CDYL: variants seen among roughly 807,000 people sequenced by gnomAD.
CDYL encodes the protein chromodomain Y-like protein.
A neutral mutation model predicts 47.3 loss-of-function variants in CDYL; 8 were observed. The observed-to-expected ratio is 0.17, with a 90% CI of 0.10 to 0.31. CDYL has a LOEUF of 0.31. Among genes scored for constraint, CDYL ranks in the 10% least tolerant of loss-of-function variants. The pLI is 1.00. For missense variants in CDYL, 471 were observed against 701.4 expected, an observed-to-expected ratio of 0.67 and a Z score of 3.71; for synonymous variants, 266 against 265.0, an observed-to-expected ratio of 1.00 and a Z score of -0.04.
chr6:4,884,487 C>T (rs1462971946), intron 1 of CDYL, among the ~76,000 whole-genome samples: 29 of 152,080 alleles, frequency 1.9e-4, no homozygotes, highest in Non-Finnish European at 1.2e-4. Context: ...TGACAGAAGC[C>T]GAGACAGTAT....
At chr6:4,916,130 A>G (rs1232490230) in intron 2 of CDYL, among the ~76,000 whole-genome samples, 1 of 152,182 alleles carries the variant, frequency 6.6e-6, no homozygotes, top group African/African-American at 2.4e-5. Context: ...GCCAAACTGT[A>G]ACCCAGCCAC....
chr6:4,916,965 G>C (rs1757574777), intron 2 of CDYL, among the ~76,000 whole-genome samples: 2 of 152,138 alleles, frequency 1.3e-5, no homozygotes, highest in South Asian at 4.1e-4. Flanking sequence ...GAGAACTTCA[G>C]CTTTGATCCG....
At chr6:4,768,493 A>G (rs775271015) in intron 3 of CDYL, among the ~76,000 whole-genome samples, 18 of 152,340 alleles carry the variant, frequency 1.2e-4, no homozygotes, top group Middle Eastern at 3.4e-3. Context: ...CCGGTGGCCA[A>G]AGCTAGAGAA....
chr6:4,951,137 C>T (rs1758690382), intron 5 of CDYL, among the ~76,000 whole-genome samples: 1 of 152,078 alleles, frequency 6.6e-6, no homozygotes, highest in Admixed American at 6.6e-5. Flanking sequence ...CTTACACTGT[C>T]TCAGCGACTT....
At chr6:4,904,111 C>T (rs1469781003) in intron 2 of CDYL, among the ~76,000 whole-genome samples, 1 of 152,208 alleles carries the variant, frequency 6.6e-6, no homozygotes, top group East Asian at 1.9e-4. Context: ...GACCAGAGGC[C>T]GGGCCCCTCG....
chr6:4,805,466 C>G (rs1461239251), intron 1 of CDYL, among the ~76,000 whole-genome samples: 7 of 152,160 alleles, frequency 4.6e-5, no homozygotes, highest in Non-Finnish European at 7.3e-5. Context: ...GAAACGAACC[C>G]ATAGGTTAGA....
intron 3 of CDYL, among the ~76,000 whole-genome samples, chr6:4,936,456 A>G (rs1758195299): frequency 6.6e-6 from 1 of 152,196 alleles, no homozygotes; most frequent in Non-Finnish European, 1.5e-5. Flanking sequence ...AGTTTTGTCC[A>G]GACAAGAAAA....
intron 2 of CDYL, among the ~76,000 whole-genome samples, chr6:4,900,777 G>GTGTGTGTATATATGTA (rs1337124010): frequency 0.01 from 187 of 18,100 alleles, 14 homozygotes; most frequent in Middle Eastern, 0.022. Context: ...CCGTATACGT[G>GTGTGTGTATATATGTA]TGTATATATA....
intron 1 of CDYL, among the ~76,000 whole-genome samples, chr6:4,814,072 C>T (rs749359887): frequency 3.2e-4 from 49 of 152,048 alleles, no homozygotes; most frequent in Non-Finnish European, 6.6e-4. Flanking sequence ...AGCCACTGCA[C>T]CTGGCCAAGT....
chr6:4,836,141 G>A (rs1760298818), intron 1 of CDYL: 1 of 248,092 alleles, frequency 4.0e-6, no homozygotes, highest in Non-Finnish European at 6.4e-6. Flanking sequence ...TACCTCAGAT[G>A]GAAATGCTGA....
chr6:4,888,714 T>G (rs1173724807), intron 1 of CDYL, among the ~76,000 whole-genome samples: 1 of 152,174 alleles, frequency 6.6e-6, no homozygotes, highest in Non-Finnish European at 1.5e-5. Flanking sequence ...AGGTTATTGA[T>G]TTGAGGTCTT....
chr6:4,918,001 T>C (rs562619787), intron 2 of CDYL, among the ~76,000 whole-genome samples: 1 of 152,224 alleles, frequency 6.6e-6, no homozygotes, highest in Non-Finnish European at 1.5e-5. Flanking sequence ...CTACCCAAGA[T>C]AGTATCTTCC....
chr6:4,838,320 C>T (rs1162538805), intron 1 of CDYL, among the ~76,000 whole-genome samples: 1 of 151,994 alleles, frequency 6.6e-6, no homozygotes, highest in African/African-American at 2.4e-5. Flanking sequence ...CCACCCTTTC[C>T]CCCAAGCCTC....
In CDYL at chr6:4,791,136, T is replaced by C. The variant is rs1378624908; in HGVS notation, c.24+14329T>C. Among the ~76,000 whole-genome samples, 4 of 152,256 alleles carry C rather than the reference T, an allele frequency of 2.6e-5. No individual in the cohort carries two copies. In the East Asian group the frequency reaches 7.7e-4, roughly 29 times the overall value. ...CCAAAACCCAACATGAAGACTCATA[T>C]ACAGTGGCCAGCATTGACATTCCTA... On this transcript the variant is annotated intron_variant, in intron 1 of 6. Transcript: ENST00000397588.
chr6:4,942,526 CTTA>C (rs1213159738), intron 4 of CDYL, among the ~76,000 whole-genome samples: 1 of 152,176 alleles, frequency 6.6e-6, no homozygotes, highest in Non-Finnish European at 1.5e-5. Flanking sequence ...AAAAGCTGTC[CTTA>C]CTCTGCACTT....
chr6:4,896,018 G>A (rs762895396), intron 2 of CDYL, among the ~76,000 whole-genome samples: 12 of 152,158 alleles, frequency 7.9e-5, no homozygotes, highest in Non-Finnish European at 1.6e-4. Context: ...TTTCTCCAAA[G>A]CTATGATCTC....
chr6:4,934,381 G>A (rs12660970), intron 2 of CDYL, among the ~76,000 whole-genome samples: 1 of 151,954 alleles, frequency 6.6e-6, no homozygotes, highest in Non-Finnish European at 1.5e-5. Context: ...ATTTCCACCA[G>A]TTGAATGAAA....
chr6:4,837,271 C>T (rs1760345070), intron 1 of CDYL, among the ~76,000 whole-genome samples: 1 of 152,014 alleles, frequency 6.6e-6, no homozygotes, highest in African/African-American at 2.4e-5. Flanking sequence ...CACATGAAAG[C>T]AAAAGGAGGA....
chr6:4,718,105 G>C (rs1423359772), intron 2 of CDYL, among the ~76,000 whole-genome samples: 3 of 152,040 alleles, frequency 2.0e-5, no homozygotes, highest in African/African-American at 7.2e-5. Context: ...CCAAAGTGCT[G>C]GGATTATAGG....
Sources: gnomAD v4.1 joint callset for allele counts (sites outside exome capture counted in the v4.1 genomes callset) on GRCh38, gnomAD v4.1.1 for gene constraint, MANE v1.5 for transcripts, NCBI Gene and HGNC (gene_info 2026-07-23, HGNC 2026-07-21) for gene names.